The following CCDC149 variants were observed in gnomAD, a reference collection of about 807,000 sequenced individuals.
The protein encoded by CCDC149 is coiled-coil domain-containing protein 149.
In CCDC149, 45 loss-of-function variants were observed where a neutral mutation model predicts 59.9. The observed-to-expected ratio is 0.75, with a 90% CI of 0.59 to 0.96. The LOEUF (loss-of-function observed/expected upper bound fraction) is 0.96, where lower values mean the gene tolerates loss of function less well. Ranked by LOEUF, CCDC149 falls within the 40% of genes least tolerant of loss-of-function variation. The pLI is 0.00. For synonymous variants in CCDC149, 245 were observed against 260.6 expected (o/e 0.94, Z 0.58); for missense variants, 584 against 664.7 (o/e 0.88, Z 1.33).
intron 2 of CCDC149, among the ~76,000 whole-genome samples, 188 bp downstream of exon 2, chr4:24,876,348 G>A (rs1428148246): frequency 6.6e-6 from 1 of 151,352 alleles, no homozygotes; most frequent in Non-Finnish European, 1.5e-5. Flanking sequence ...CACAGAGAGA[G>A]AGAGAGAGAT....
chr4:24,958,943 G>A (rs1246632710), intron 1 of CCDC149, among the ~76,000 whole-genome samples: 1 of 151,820 alleles, frequency 6.6e-6, no homozygotes, highest in African/African-American at 2.4e-5. Context: ...TGAGGCACGA[G>A]AATCACTTGA....
intron 3 of CCDC149, among the ~76,000 whole-genome samples, chr4:24,864,715 G>A (rs1560224818): frequency 6.6e-6 from 1 of 152,118 alleles, no homozygotes; most frequent in African/African-American, 2.4e-5. Context: ...GAACCTACTG[G>A]ACAGTTACAA....
intron 1 of CCDC149, among the ~76,000 whole-genome samples, chr4:24,946,067 G>A (rs1409181904): frequency 6.6e-6 from 1 of 152,182 alleles, no homozygotes; most frequent in African/African-American, 2.4e-5. Flanking sequence ...AAGTATTCTT[G>A]AAAAACATAC....
At position 24,807,592 on chromosome 4, in the gene CCDC149, G is replaced by A. The variant is rs995122217; in HGVS notation, c.*797C>T. Reference sequence around the variant, plus strand: ...ATGCAGAGAATGAGCATTTCCAGGTGGTAGCTCTCATCTCATCTCACAAAA... The same window carrying A: ...ATGCAGAGAATGAGCATTTCCAGGTAGTAGCTCTCATCTCATCTCACAAAA... On this transcript the variant is annotated 3_prime_UTR_variant, in exon 13 of 13. Transcript: ENST00000635206. 16 of 152,122 alleles carry A rather than the reference G, an allele frequency of 1.1e-4. No individual in the cohort carries two copies. Among genetic ancestry groups the A allele is most frequent in the African/African-American group, 3.6e-4 (15 of 41,398 alleles). The allele number at this position is 152,122 out of a possible 1,614,324, so 9.4% of individuals were successfully genotyped here.
chr4:24,841,115 C>A (rs757588712), intron 4 of CCDC149, among the ~76,000 whole-genome samples: 1 of 152,132 alleles, frequency 6.6e-6, no homozygotes, highest in Non-Finnish European at 1.5e-5. Context: ...AAACGACAAG[C>A]CAAACAAAAC....
At chr4:24,886,578 T>G (rs887440163) in intron 1 of CCDC149, among the ~76,000 whole-genome samples, 1 of 152,214 alleles carries the variant, frequency 6.6e-6, no homozygotes, top group Non-Finnish European at 1.5e-5. Flanking sequence ...ACAACAAATG[T>G]GCATTGCACC....
Position 24,947,517 on chromosome 4 carries a change from C to G in CCDC149, c.-65+32552G>C, listed in dbSNP as rs146101826. Among the ~76,000 whole-genome samples the G allele has an allele frequency of 2.6e-3, 401 of 152,206 alleles. 5 individuals are homozygous for G. The highest frequency in any genetic ancestry group is 9.1e-3 in the African/African-American group (380 of 41,548). On this transcript the variant is annotated intron_variant, in intron 1 of 12. Coordinates refer to the CCDC149 transcript ENST00000389609. ...TTTGCAGTGTGAGAACGGACTAATA[C>G]ATGTAGAGAACTCCTCCCTCCTAAC...
chr4:24,907,484 T>C (rs1721602009), intron 1 of CCDC149, among the ~76,000 whole-genome samples: 1 of 152,136 alleles, frequency 6.6e-6, no homozygotes, highest in African/African-American at 2.4e-5. Flanking sequence ...TTTCTTGCAG[T>C]TTAGGTGAGT....
At chr4:24,826,710 G>A (rs1319165150) in intron 9 of CCDC149, among the ~76,000 whole-genome samples, 3 of 152,198 alleles carry the variant, frequency 2.0e-5, no homozygotes, top group Non-Finnish European at 4.4e-5. Context: ...TGGTCACACA[G>A]GATGGGAGTT....
chr4:24,839,061 CAGAGAGAG>C (rs72068303), intron 4 of CCDC149, among the ~76,000 whole-genome samples: 42 of 115,360 alleles, frequency 3.6e-4, no homozygotes, highest in African/African-American at 1.5e-3. Context: ...CACACACACA[CAGAGAGAG>C]AGAGAGAAAG....
chr4:24,845,521 G>A (rs1284302013), intron 4 of CCDC149, among the ~76,000 whole-genome samples: 1 of 152,224 alleles, frequency 6.6e-6, no homozygotes, highest in Admixed American at 6.5e-5. Context: ...AATAAAAAGT[G>A]CCAGTCGTAA....
intron 12 of CCDC149, among the ~76,000 whole-genome samples, chr4:24,809,146 T>C (rs1714430324): frequency 6.6e-6 from 1 of 152,166 alleles, no homozygotes; most frequent in Admixed American, 6.5e-5. Context: ...AATATTTAAA[T>C]TGAGGACAAA....
chr4:24,822,271 T>G lies in CCDC149; in HGVS notation c.1042+226A>C, dbSNP rs543799557. ...TTGCTAAACTTCATAGTTCCACAGATGAAACCCTGAATATTTACTGCATTT... is the reference window on the plus strand; with the variant it reads ...TTGCTAAACTTCATAGTTCCACAGAGGAAACCCTGAATATTTACTGCATTT... On this transcript the variant is annotated intron_variant, in intron 10 of 12. Transcript: ENST00000635206. Among the ~76,000 whole-genome samples the G allele has an allele frequency of 2.0e-5, 3 of 152,238 alleles. No individual in the cohort carries two copies. In the East Asian group the frequency reaches 5.8e-4, roughly 29 times the overall value.
intron 1 of CCDC149, among the ~76,000 whole-genome samples, chr4:24,924,563 C>T (rs11937629): frequency 0.021 from 3,130 of 152,266 alleles, 34 homozygotes; most frequent in Non-Finnish European, 0.028. Context: ...TTTGGGAGGA[C>T]CCAAAGACTA....
chr4:24,911,830 T>A (rs1055727571), intron 1 of CCDC149, among the ~76,000 whole-genome samples: 2 of 152,182 alleles, frequency 1.3e-5, no homozygotes, highest in African/African-American at 4.8e-5. Flanking sequence ...AGGGTTTCCC[T>A]TCCCATAACC....
intron 1 of CCDC149, among the ~76,000 whole-genome samples, chr4:24,924,963 C>A (rs1722397839): frequency 6.6e-6 from 1 of 152,180 alleles, no homozygotes; most frequent in South Asian, 2.1e-4. Context: ...AATGAATAAC[C>A]TTTCTTCGAA....
At chr4:24,967,067 A>G (rs1422133155) in intron 1 of CCDC149, among the ~76,000 whole-genome samples, 2 of 152,174 alleles carry the variant, frequency 1.3e-5, no homozygotes, top group African/African-American at 2.4e-5. Context: ...GCACCCTGAC[A>G]TCGGCTGTTT....
At chr4:24,963,460 G>A (rs1723705649) in intron 1 of CCDC149, among the ~76,000 whole-genome samples, 1 of 152,146 alleles carries the variant, frequency 6.6e-6, no homozygotes, top group Non-Finnish European at 1.5e-5. Flanking sequence ...CTCAGTGTCA[G>A]CAGAACCACA....
In CCDC149 at chr4:24,837,341, T is replaced by C; in HGVS notation, c.549A>G (p.Glu183=). The C allele has an allele frequency of 4.3e-6, 7 of 1,614,188 alleles. No homozygotes were observed. Among genetic ancestry groups the C allele is most frequent in the Non-Finnish European group, 5.9e-6 (7 of 1,180,036 alleles). ...CTTTGTCCTGGTAGGAAGACCGTTCTTCTTTAACATCCTGAAGCTCGTCCA... is the reference window on the plus strand; with the variant it reads ...CTTTGTCCTGGTAGGAAGACCGTTCCTCTTTAACATCCTGAAGCTCGTCCA... The change falls in exon 6 of 13, where the codon GAA becomes GAG. Residue 183 remains glutamate, a synonymous_variant. Transcript: ENST00000635206. This position sits in a 1 kb window ranked among gnomAD's most constrained non-coding sequence, Gnocchi z 4.3.
Sources: gnomAD v4.1 joint callset for allele counts (sites outside exome capture counted in the v4.1 genomes callset) on GRCh38, gnomAD v4.1.1 for gene constraint, Gnocchi (gnomAD v3.1) non-coding constraint, MANE v1.5 for transcripts, NCBI Gene and HGNC (gene_info 2026-07-23, HGNC 2026-07-21) for gene names.